IL1RAPL1: variants seen among roughly 807,000 people sequenced by gnomAD.
IL1RAPL1 encodes interleukin 1 receptor accessory protein like 1.
A neutral mutation model predicts 48.4 loss-of-function variants in IL1RAPL1; 3 were observed. The observed-to-expected ratio is 0.06, with a 90% CI of 0.03 to 0.16. The LOEUF (loss-of-function observed/expected upper bound fraction) is 0.16, where lower values mean the gene tolerates loss of function less well. IL1RAPL1 is among the 10% of genes least tolerant of loss of function. The pLI, the probability that IL1RAPL1 is intolerant of heterozygous loss-of-function variation, is 1.00. For synonymous variants in IL1RAPL1, 185 were observed against 187.7 expected, an observed-to-expected ratio of 0.99 and a Z score of 0.12; for missense variants, 349 against 530.6, an observed-to-expected ratio of 0.66 and a Z score of 3.36.
chrX:29,352,487 C>G (rs985698496), intron 3 of IL1RAPL1, among the ~76,000 whole-genome samples: 37 of 111,347 alleles, frequency 3.3e-4, no homozygotes, highest in African/African-American at 1.2e-3. Context: ...GTAAATCTAT[C>G]TTAAGGATAT....
At chrX:29,036,424 T>C (rs188520763) in intron 2 of IL1RAPL1, among the ~76,000 whole-genome samples, 167 of 112,289 alleles carry the variant, frequency 1.5e-3, no homozygotes, top group African/African-American at 5.3e-3. Context: ...TGAAACTGTT[T>C]CCGGCCATCA....
In IL1RAPL1 at chrX:29,605,071, AACACACACACACACACACACACAC is replaced by A. The variant is rs757087732; in HGVS notation, c.704-63326_704-63303del. The stretch of plus-strand genomic sequence containing the variant: ...CTGTGCTAAAATTTCCTAAGTCTTA[AACACACACACACACACACACACAC>A]ACACACACACACACACACACACACA... On this transcript the variant is annotated intron_variant, in intron 5 of 10. Transcript: ENST00000378993. 4.2e-4 allele frequency among the ~76,000 whole-genome samples: 27 copies of A among 65,060 alleles called. No homozygotes were observed. The East Asian group carries it at 5.2e-3, about 12-fold the overall frequency. The allele number at this position is 65,060 out of a possible 115,157, so 56.5% of individuals were successfully genotyped here.
intron 2 of IL1RAPL1, among the ~76,000 whole-genome samples, chrX:29,256,549 A>G (rs1931761392): frequency 1.8e-5 from 2 of 111,604 alleles, no homozygotes; most frequent in Admixed American, 9.6e-5. Flanking sequence ...GGTTCATTCT[A>G]ATGCCTCTGT....
chrX:29,344,295 T>G (rs1194206227), intron 3 of IL1RAPL1, among the ~76,000 whole-genome samples: 1 of 111,939 alleles, frequency 8.9e-6, no homozygotes, highest in African/African-American at 3.2e-5. Context: ...GAAAAAGAAA[T>G]AAATTATTAA....
chrX:29,334,914 C>A (rs1383939107), intron 3 of IL1RAPL1, among the ~76,000 whole-genome samples: 1 of 112,791 alleles, frequency 8.9e-6, no homozygotes, highest in Non-Finnish European at 1.9e-5. Flanking sequence ...CTTTGGGGGG[C>A]CAATGCAGGC....
chrX:28,795,407 A>G (rs1936598961), intron 2 of IL1RAPL1, among the ~76,000 whole-genome samples: 1 of 111,377 alleles, frequency 9.0e-6, no homozygotes, highest in Admixed American at 9.6e-5. Context: ...CCACAAACTT[A>G]CCCATTCAGT....
intron 5 of IL1RAPL1, among the ~76,000 whole-genome samples, chrX:29,593,205 C>A (rs779979442): frequency 9.0e-6 from 1 of 111,405 alleles, no homozygotes; most frequent in Non-Finnish European, 1.9e-5. Flanking sequence ...CCTCCCTCCT[C>A]CTCCACTTTA....
intron 6 of IL1RAPL1, among the ~76,000 whole-genome samples, chrX:29,813,883 G>A (rs1477051245): frequency 9.0e-6 from 1 of 111,502 alleles, no homozygotes; most frequent in Non-Finnish European, 1.9e-5. Context: ...TAGGATAATG[G>A]CCTCCAGCTA....
chrX:29,449,019 C>A (rs1405341011), intron 5 of IL1RAPL1, among the ~76,000 whole-genome samples: 1 of 111,431 alleles, frequency 9.0e-6, no homozygotes, highest in Non-Finnish European at 1.9e-5. Context: ...GCCCCACCTC[C>A]AAATACCATC....
chrX:28,840,006 CAAGT>C (rs918644302), intron 2 of IL1RAPL1, among the ~76,000 whole-genome samples: 2 of 110,326 alleles, frequency 1.8e-5, no homozygotes, highest in African/African-American at 6.6e-5. Context: ...AATACTACAC[CAAGT>C]AAGAAGTGCT....
At chrX:28,646,505 G>T (rs1486746265) in intron 1 of IL1RAPL1, among the ~76,000 whole-genome samples, 1 of 112,062 alleles carries the variant, frequency 8.9e-6, no homozygotes, top group Non-Finnish European at 1.9e-5. Flanking sequence ...AGATGATAGC[G>T]CAATCACAGC....
intron 1 of IL1RAPL1, among the ~76,000 whole-genome samples, chrX:28,650,048 C>G (rs992513596): frequency 9.0e-6 from 1 of 111,468 alleles, no homozygotes; most frequent in African/African-American, 3.3e-5. Flanking sequence ...CCCCTAAAAA[C>G]TTATGTTGTT....
chrX:28,831,036 G>C (rs866422231), intron 2 of IL1RAPL1, among the ~76,000 whole-genome samples: 1,824 of 42,177 alleles, frequency 0.043, 33 homozygotes, highest in African/African-American at 0.16. Flanking sequence ...CTGTGTGTGT[G>C]TGTGTGTGTG....
chrX:29,203,722 AATATAT>A (rs56950481), intron 2 of IL1RAPL1, among the ~76,000 whole-genome samples: 3,263 of 78,289 alleles, frequency 0.042, 243 homozygotes, highest in East Asian at 0.19. Context: ...TCCGTCTCAA[AATATAT>A]ATATATATAT....
chrX:28,654,221 C>T (rs1186264519), intron 1 of IL1RAPL1, among the ~76,000 whole-genome samples: 2 of 102,948 alleles, frequency 1.9e-5, no homozygotes, highest in Admixed American at 1.1e-4. Flanking sequence ...AAAACACACA[C>T]GAACAAACAA....
At chrX:29,509,687 G>A (rs760330576) in intron 5 of IL1RAPL1, among the ~76,000 whole-genome samples, 1 of 109,517 alleles carries the variant, frequency 9.1e-6, no homozygotes, top group East Asian at 2.8e-4. Context: ...GCGCCCACAC[G>A]CACACACACA....
intron 5 of IL1RAPL1, among the ~76,000 whole-genome samples, chrX:29,513,857 G>T (rs1357446329): frequency 8.1e-5 from 9 of 111,707 alleles, no homozygotes; most frequent in African/African-American, 2.9e-4. Context: ...ATACATTTTT[G>T]ACTAAATTTT....
At chrX:29,563,516 G>A (rs1303775817) in intron 5 of IL1RAPL1, among the ~76,000 whole-genome samples, 1 of 112,441 alleles carries the variant, frequency 8.9e-6, no homozygotes, top group African/African-American at 3.2e-5. Flanking sequence ...AAATTGTAAA[G>A]TTCTAATGCA....
chrX:29,200,326 C>T (rs368085613), intron 2 of IL1RAPL1, among the ~76,000 whole-genome samples: 1 of 110,996 alleles, frequency 9.0e-6, no homozygotes, highest in Non-Finnish European at 1.9e-5. Flanking sequence ...GTGGCACAGC[C>T]CCCCCTTGAT....
Sources: allele counts gnomAD v4.1 joint callset (sites outside exome capture counted in the v4.1 genomes callset), GRCh38; gene constraint gnomAD v4.1.1; transcripts MANE v1.5; gene names NCBI Gene and HGNC (gene_info 2026-07-23, HGNC 2026-07-21).